CHRM3: variants seen among roughly 807,000 people sequenced by gnomAD.
The protein encoded by CHRM3 is muscarinic acetylcholine receptor M3.
A neutral mutation model predicts 41.8 loss-of-function variants in CHRM3; 11 were observed. The ratio of observed to expected loss-of-function variants is 0.26; its 90% confidence interval spans 0.17 to 0.44. CHRM3 has a LOEUF of 0.44. Ranked by LOEUF, CHRM3 falls within the 20% of genes least tolerant of loss-of-function variation. CHRM3 has a pLI of 1.00. For missense variants in CHRM3, 571 were observed against 745.4 expected, an observed-to-expected ratio of 0.77 and a Z score of 2.72; for synonymous variants, 297 against 301.4, an observed-to-expected ratio of 0.99 and a Z score of 0.15.
At chr1:239,397,850 C>A (rs1659630172) in intron 1 of CHRM3, among the ~76,000 whole-genome samples, 1 of 150,952 alleles carries the variant, frequency 6.6e-6, no homozygotes, top group African/African-American at 2.4e-5. Context: ...GTGTGAAAAA[C>A]AAAAGGAAAA....
At chr1:239,422,766 G>T (rs1662052755) in intron 1 of CHRM3, among the ~76,000 whole-genome samples, 1 of 151,428 alleles carries the variant, frequency 6.6e-6, no homozygotes, top group South Asian at 2.1e-4. Context: ...CTGCACTCCA[G>T]CCTGGGTGAC....
intron 5 of CHRM3, among the ~76,000 whole-genome samples, chr1:239,760,063 C>A (rs1386785582): frequency 3.4e-5 from 5 of 149,162 alleles, no homozygotes; most frequent in African/African-American, 1.2e-4. Flanking sequence ...TACAGGCACC[C>A]GCCACCACAC....
intron 6 of CHRM3, among the ~76,000 whole-genome samples, chr1:239,856,472 G>A (rs563386172): frequency 6.6e-6 from 1 of 152,180 alleles, no homozygotes; most frequent in South Asian, 2.1e-4. Context: ...ATATGTGTTT[G>A]CTTCCCTTTC....
chr1:239,698,029 C>T (rs778362394), intron 5 of CHRM3, among the ~76,000 whole-genome samples: 4 of 152,184 alleles, frequency 2.6e-5, no homozygotes, highest in Admixed American at 6.5e-5. Flanking sequence ...AATTTCATGT[C>T]TCTGGCTTTA....
At chr1:239,678,443 A>T (rs1317460720) in intron 5 of CHRM3, among the ~76,000 whole-genome samples, 155 bp downstream of exon 5, 1 of 152,210 alleles carries the variant, frequency 6.6e-6, no homozygotes, top group Non-Finnish European at 1.5e-5. Context: ...GCATGTGTTT[A>T]TATTTTGGCA....
chr1:239,791,049 GA>G (rs35541531), intron 5 of CHRM3, among the ~76,000 whole-genome samples: 26,391 of 115,558 alleles, frequency 0.23, 3,343 homozygotes, highest in East Asian at 0.48. Flanking sequence ...CGCTCCTGGA[GA>G]AAAAAAAAAA....
intron 2 of CHRM3, among the ~76,000 whole-genome samples, chr1:239,511,860 G>A (rs917516453): frequency 3.3e-5 from 5 of 152,194 alleles, no homozygotes; most frequent in Admixed American, 2.6e-4. Flanking sequence ...TAAGCTTTTT[G>A]TAAGGTGATA....
chr1:239,414,528 G>T lies in CHRM3; in HGVS notation c.-521+27301G>T, dbSNP rs191793588. Reference sequence around the variant, plus strand: ...AAATATCAGCCTCTCACTTGTGTTTGTCTCAAAGCAGGTAGTAGAAAAGCT... The same window carrying T: ...AAATATCAGCCTCTCACTTGTGTTTTTCTCAAAGCAGGTAGTAGAAAAGCT... On this transcript the variant is annotated intron_variant, in intron 1 of 6. Transcript: ENST00000676153. Among the ~76,000 whole-genome samples the T allele has an allele frequency of 1.8e-3, 272 of 152,328 alleles. 7 individuals are homozygous for T. Among genetic ancestry groups the T allele is most frequent in the Admixed American group, 0.018 (272 of 15,300 alleles).
At chr1:239,810,093 G>A (rs371220509) in intron 5 of CHRM3, among the ~76,000 whole-genome samples, 11 of 152,278 alleles carry the variant, frequency 7.2e-5, no homozygotes, top group South Asian at 6.2e-4. Context: ...GTTGATCTGC[G>A]TGTGCCAAGC....
chr1:239,644,618 T>C (rs1355702673), intron 4 of CHRM3, among the ~76,000 whole-genome samples: 1 of 152,160 alleles, frequency 6.6e-6, no homozygotes, highest in African/African-American at 2.4e-5. Flanking sequence ...AAAATTCTTA[T>C]CAGCCTGTCC....
chr1:239,501,630 C>T (rs1414908511), intron 2 of CHRM3, among the ~76,000 whole-genome samples: 1 of 152,012 alleles, frequency 6.6e-6, no homozygotes, highest in Non-Finnish European at 1.5e-5. Context: ...CTGAGGTGGG[C>T]AGATCACGAG....
intron 4 of CHRM3, among the ~76,000 whole-genome samples, chr1:239,666,563 T>C (rs891290515): frequency 1.3e-5 from 2 of 152,134 alleles, no homozygotes; most frequent in African/African-American, 4.8e-5. Context: ...CTCCTGTTAT[T>C]TCCTGGGTTT....
At chr1:239,640,713 C>T (rs921791467) in intron 4 of CHRM3, among the ~76,000 whole-genome samples, 42 of 150,682 alleles carry the variant, frequency 2.8e-4, no homozygotes, top group African/African-American at 9.6e-4. Context: ...TTTCAAAAAA[C>T]CAGCTCCTGG....
intron 5 of CHRM3, among the ~76,000 whole-genome samples, chr1:239,778,605 C>G (rs75355676): frequency 0.013 from 1,917 of 152,282 alleles, 37 homozygotes; most frequent in African/African-American, 0.043. Flanking sequence ...TGGCCCTTCT[C>G]CAGCAACATT....
At chr1:239,506,190 G>A (rs958615114) in intron 2 of CHRM3, among the ~76,000 whole-genome samples, 42 of 152,298 alleles carry the variant, frequency 2.8e-4, no homozygotes, top group African/African-American at 1.0e-3. Context: ...ATTTGCATAA[G>A]TAATGAGGAG....
At chr1:239,654,251 G>A (rs1045953477) in intron 4 of CHRM3, among the ~76,000 whole-genome samples, 3 of 152,260 alleles carry the variant, frequency 2.0e-5, no homozygotes, top group Admixed American at 6.5e-5. Flanking sequence ...TTACAGGTGC[G>A]AGCCACTGTA....
chr1:239,770,773 T>C (rs1382195733), intron 5 of CHRM3, among the ~76,000 whole-genome samples: 1 of 152,110 alleles, frequency 6.6e-6, no homozygotes, highest in East Asian at 1.9e-4. Context: ...TATCTCAAAA[T>C]GAAAGTACCC....
At chr1:239,558,307 T>G (rs1387160574) in intron 3 of CHRM3, among the ~76,000 whole-genome samples, 6 of 152,226 alleles carry the variant, frequency 3.9e-5, no homozygotes, top group Admixed American at 3.9e-4. Flanking sequence ...TCATGTCCTT[T>G]GTCCACTTTT....
intron 1 of CHRM3, among the ~76,000 whole-genome samples, chr1:239,428,539 C>T (rs1662574639): frequency 1.3e-5 from 2 of 152,180 alleles, no homozygotes; most frequent in Non-Finnish European, 2.9e-5. Context: ...ACATAGCACA[C>T]ATTCCATACA....
Sources: gnomAD v4.1 joint callset for allele counts (sites outside exome capture counted in the v4.1 genomes callset) on GRCh38, gnomAD v4.1.1 for gene constraint, MANE v1.5 for transcripts, NCBI Gene and HGNC (gene_info 2026-07-23, HGNC 2026-07-21) for gene names.